MBD5: variants seen among roughly 807,000 people sequenced by gnomAD.
MBD5 encodes methyl-CpG binding domain protein 5.
In MBD5, 13 loss-of-function variants were observed where a neutral mutation model predicts 117.3. That is an observed-to-expected ratio of 0.11 (90% CI 0.07 to 0.18). The LOEUF is 0.18. Among genes scored for constraint, MBD5 ranks in the 10% least tolerant of loss-of-function variants. The probability of loss-of-function intolerance (pLI) is 1.00; values close to 1 mark genes in which losing one functional copy is unlikely to be tolerated. For synonymous variants in MBD5, 727 were observed against 766.4 expected (o/e 0.95, Z 0.85); for missense variants, 1,879 against 2,093.8 (o/e 0.90, Z 2.00).
intron 7 of MBD5, among the ~76,000 whole-genome samples, chr2:148,465,011 A>T (rs927949104): frequency 2.3e-4 from 35 of 151,908 alleles, no homozygotes; most frequent in African/African-American, 8.2e-4. Flanking sequence ...AAAGATTCAC[A>T]TTGCAATCAA....
At chr2:148,310,812 T>G (rs1702011898) in intron 3 of MBD5, among the ~76,000 whole-genome samples, 2 of 152,204 alleles carry the variant, frequency 1.3e-5, no homozygotes, top group Non-Finnish European at 2.9e-5. Flanking sequence ...TAAACACTGC[T>G]TTAGTTTTGT....
intron 10 of MBD5, 28 bp from the exon 11 acceptor site, chr2:148,489,358 C>G (rs774911648): frequency 1.2e-6 from 2 of 1,613,816 alleles, no homozygotes; most frequent in African/African-American, 1.3e-5. Context: ...TTCCCTTTCT[C>G]TCACTGCTTC....
intron 8 of MBD5, among the ~76,000 whole-genome samples, chr2:148,477,771 T>C (rs1681018027): frequency 6.6e-6 from 1 of 152,170 alleles, no homozygotes; most frequent in African/African-American, 2.4e-5. Context: ...CAAGTACACT[T>C]ACCAAAGCAA....
chr2:148,248,452 A>G (rs11676308), intron 3 of MBD5, among the ~76,000 whole-genome samples: 45,607 of 151,996 alleles, frequency 0.3, 7,339 homozygotes, highest in South Asian at 0.43. Flanking sequence ...AGCAAACATA[A>G]ATTCTCATTG....
intron 3 of MBD5, among the ~76,000 whole-genome samples, chr2:148,313,932 G>A (rs1233242004): frequency 1.3e-5 from 2 of 152,012 alleles, no homozygotes; most frequent in African/African-American, 4.8e-5. Flanking sequence ...GTGAGGCAAC[G>A]CCCCACCCTG....
At chr2:148,504,952 G>T (rs1228608921) in intron 12 of MBD5, among the ~76,000 whole-genome samples, 1 of 152,134 alleles carries the variant, frequency 6.6e-6, no homozygotes, top group Non-Finnish European at 1.5e-5. Context: ...TTTCACCTTA[G>T]GTATGGCCGT....
chr2:148,321,340 G>A (rs1032813097), intron 3 of MBD5, among the ~76,000 whole-genome samples: 1 of 152,034 alleles, frequency 6.6e-6, no homozygotes, highest in Non-Finnish European at 1.5e-5. Context: ...ATCATATAAA[G>A]TTTTAAAAGT....
chr2:148,068,537 T>C (rs1695268070), intron 1 of MBD5: 1 of 152,220 alleles, frequency 6.6e-6, no homozygotes, highest in African/African-American at 2.4e-5. Flanking sequence ...AGTACCCATA[T>C]GTTCTGAATC....
chr2:148,308,786 G>T (rs188701182), intron 3 of MBD5, among the ~76,000 whole-genome samples: 1 of 152,024 alleles, frequency 6.6e-6, no homozygotes, highest in East Asian at 1.9e-4. Flanking sequence ...TATGGTTTTA[G>T]GTCTTACATA....
chr2:148,049,044 C>G (rs754184040), intron 1 of MBD5, among the ~76,000 whole-genome samples: 8 of 152,138 alleles, frequency 5.3e-5, no homozygotes, highest in Non-Finnish European at 1.0e-4. Context: ...GTGGTGCCAG[C>G]AAGAGTCATA....
At chr2:148,324,064 T>G (rs1007909657) in intron 3 of MBD5, among the ~76,000 whole-genome samples, 2 of 152,236 alleles carry the variant, frequency 1.3e-5, no homozygotes, top group African/African-American at 4.8e-5. Context: ...TACATATGGC[T>G]AGCCAGTTTT....
chr2:148,447,135 GA>G (rs1176328320), intron 4 of MBD5, among the ~76,000 whole-genome samples: 1 of 87,432 alleles, frequency 1.1e-5, no homozygotes, highest in Admixed American at 1.0e-4. Flanking sequence ...AAAAGAAAGA[GA>G]GAGAGAGAAA....
At chr2:148,344,241 G>A (rs1330568978) in intron 4 of MBD5, among the ~76,000 whole-genome samples, 2 of 152,028 alleles carry the variant, frequency 1.3e-5, no homozygotes, top group Non-Finnish European at 2.9e-5. Context: ...TTGAAGTTGG[G>A]TAATGTAATG....
At chr2:148,374,869 T>A (rs909471928) in intron 4 of MBD5, among the ~76,000 whole-genome samples, 1 of 152,250 alleles carries the variant, frequency 6.6e-6, no homozygotes, top group Non-Finnish European at 1.5e-5. Flanking sequence ...ACTTATATTT[T>A]AAATTATTTT....
chr2:148,155,606 C>A (rs557580865), intron 1 of MBD5, among the ~76,000 whole-genome samples: 1 of 152,314 alleles, frequency 6.6e-6, no homozygotes, highest in South Asian at 2.1e-4. Context: ...CTTTTGCCTT[C>A]ATTTGGGCTT....
At chr2:148,264,032 A>G (rs1700794372) in intron 3 of MBD5, 1 of 152,206 alleles carries the variant, frequency 6.6e-6, no homozygotes, top group African/African-American at 2.4e-5. Flanking sequence ...GATAGTATTG[A>G]CAAGTAGTGT....
chr2:148,021,574 A>G lies in MBD5; in HGVS notation c.-1035A>G, dbSNP rs1693732723. The G allele has an allele frequency of 5.7e-6, 3 of 525,658 alleles. No individual in the cohort carries two copies. Among genetic ancestry groups the G allele is most frequent in the South Asian group, 3.1e-5 (2 of 63,782 alleles). 32.6% of individuals were successfully genotyped at this position (525,658 alleles called of 1,614,324 possible). On this transcript the variant is annotated 5_prime_UTR_variant, in exon 1 of 14. Coordinates refer to ENST00000642680, the MANE Select transcript of MBD5 (RefSeq NM_001378120.1). ...TACACCCAGGAGCAGCCACTTCCCC[A>G]GCTCTCCTCCTCCTCCTTCGCCTCC...
intron 4 of MBD5, among the ~76,000 whole-genome samples, chr2:148,386,939 A>T (rs1327257841): frequency 2.0e-5 from 3 of 152,124 alleles, no homozygotes; most frequent in Non-Finnish European, 4.4e-5. Flanking sequence ...TAAAAAATAA[A>T]AAGCTTCAGG....
At chr2:148,025,903 G>C (rs1321636499) in intron 1 of MBD5, 3 of 152,072 alleles carry the variant, frequency 2.0e-5, no homozygotes, top group Non-Finnish European at 4.4e-5. Context: ...AAATGATTTG[G>C]AATTTTCTTA....
Sources: gnomAD v4.1 joint callset for allele counts (sites outside exome capture counted in the v4.1 genomes callset) on GRCh38, gnomAD v4.1.1 for gene constraint, MANE v1.5 for transcripts, NCBI Gene and HGNC (gene_info 2026-07-23, HGNC 2026-07-21) for gene names.